The following CSMD1 variants were observed in gnomAD, a reference collection of about 807,000 sequenced individuals.
The protein encoded by CSMD1 is CUB and sushi domain-containing protein 1.
In CSMD1, 213 loss-of-function variants were observed where a neutral mutation model predicts 417.5. That is an observed-to-expected ratio of 0.51 (90% CI 0.46 to 0.57). The LOEUF is 0.57. Among genes scored for constraint, CSMD1 ranks in the 20% least tolerant of loss-of-function variants. The pLI is 0.00. For missense variants in CSMD1, 6,923 were observed against 4,529.7 expected (o/e 1.53, Z -15.17); for synonymous variants, 2,862 against 1,736.8 (o/e 1.65, Z -16.11).
chr8:3,985,714 A>C (rs1476676335), intron 5 of CSMD1, among the ~76,000 whole-genome samples: 1 of 151,890 alleles, frequency 6.6e-6, no homozygotes, highest in African/African-American at 2.4e-5. Context: ...AACTTGATTC[A>C]AGAAGTTAGA....
chr8:4,631,658 T>C (rs1802522619), intron 2 of CSMD1, among the ~76,000 whole-genome samples: 1 of 152,210 alleles, frequency 6.6e-6, no homozygotes, highest in South Asian at 2.1e-4. Flanking sequence ...AAATATTTAA[T>C]GCATTCAAAA....
chr8:4,132,777 A>G (rs1585386196), intron 3 of CSMD1, among the ~76,000 whole-genome samples: 1 of 152,224 alleles, frequency 6.6e-6, no homozygotes, highest in East Asian at 1.9e-4. Context: ...TCCGTTTAAA[A>G]AGACACAAAC....
At position 4,452,489 on chromosome 8, in the gene CSMD1, C is replaced by T. The variant is rs573760760; in HGVS notation, c.303-32424G>A. Among the ~76,000 whole-genome samples the T allele has an allele frequency of 7.9e-5, 12 of 152,248 alleles. No individual in the cohort carries two copies. In the East Asian group the frequency reaches 1.5e-3, roughly 20 times the overall value. ...CCACTCATATTTGAGCAAACCATGACCTGCTAACTACAGCTTTAATTTTAG... is the reference window on the plus strand; with the variant it reads ...CCACTCATATTTGAGCAAACCATGATCTGCTAACTACAGCTTTAATTTTAG... On this transcript the variant is annotated intron_variant, in intron 2 of 69. Coordinates refer to ENST00000635120, the MANE Select transcript of CSMD1 (RefSeq NM_033225.6).
At chr8:3,580,820 C>A (rs1275846586) in intron 9 of CSMD1, among the ~76,000 whole-genome samples, 1 of 152,094 alleles carries the variant, frequency 6.6e-6, no homozygotes, top group East Asian at 1.9e-4. Flanking sequence ...GGTAAATGAT[C>A]TTCTTATTAC....
chr8:3,760,520 C>A (rs993812994), intron 5 of CSMD1, among the ~76,000 whole-genome samples: 1 of 152,268 alleles, frequency 6.6e-6, no homozygotes, highest in African/African-American at 2.4e-5. Context: ...TTTCATGTAA[C>A]CTCCCTCAGC....
chr8:3,336,910 A>C (rs931161606), intron 23 of CSMD1, among the ~76,000 whole-genome samples: 1 of 152,094 alleles, frequency 6.6e-6, no homozygotes, highest in African/African-American at 2.4e-5. Flanking sequence ...TCTCCAAAAC[A>C]CAGGTCTTGT....
intron 10 of CSMD1, among the ~76,000 whole-genome samples, chr8:3,525,734 A>G (rs775892089): frequency 1.3e-5 from 2 of 152,172 alleles, no homozygotes; most frequent in Admixed American, 1.3e-4. Context: ...TAGTTGTCGC[A>G]ATGTACTTTC....
intron 1 of CSMD1, among the ~76,000 whole-genome samples, chr8:4,722,740 T>C (rs372465311): frequency 6.6e-6 from 1 of 152,170 alleles, no homozygotes; most frequent in Non-Finnish European, 1.5e-5. Flanking sequence ...AAAAATTTGG[T>C]AGTCGTCAGG....
chr8:4,030,001 G>A (rs1797259364), intron 4 of CSMD1, among the ~76,000 whole-genome samples: 1 of 152,166 alleles, frequency 6.6e-6, no homozygotes, highest in South Asian at 2.1e-4. Flanking sequence ...CTCACATCCA[G>A]GTCATGCTGA....
chr8:2,999,746 G>A (rs186166989), intron 53 of CSMD1, among the ~76,000 whole-genome samples: 1 of 150,002 alleles, frequency 6.7e-6, no homozygotes, highest in Non-Finnish European at 1.5e-5. Flanking sequence ...GTCAGGAAAA[G>A]GAGTTTGAAG....
At chr8:4,041,266 C>G (rs906763179) in intron 3 of CSMD1, among the ~76,000 whole-genome samples, 2 of 148,536 alleles carry the variant, frequency 1.3e-5, no homozygotes, top group East Asian at 4.0e-4. Context: ...ATCCGCCCGC[C>G]TCGGCCTCCC....
At chr8:3,294,179 CT>C (rs1462406437) in intron 25 of CSMD1, among the ~76,000 whole-genome samples, 1 of 152,146 alleles carries the variant, frequency 6.6e-6, no homozygotes, top group Non-Finnish European at 1.5e-5. Context: ...CTGATCATTC[CT>C]CTGGAAGTTT....
chr8:4,127,385 A>T (rs185805078), intron 3 of CSMD1, among the ~76,000 whole-genome samples: 1 of 151,560 alleles, frequency 6.6e-6, no homozygotes, highest in East Asian at 1.9e-4. Flanking sequence ...ACCTGAAAAA[A>T]AATCTCCAAT....
chr8:3,492,363 T>G (rs981740008), intron 11 of CSMD1, among the ~76,000 whole-genome samples: 2 of 152,140 alleles, frequency 1.3e-5, no homozygotes, highest in Non-Finnish European at 2.9e-5. Context: ...CCAGCTCATC[T>G]GGCACCACAG....
intron 7 of CSMD1, among the ~76,000 whole-genome samples, chr8:3,692,445 A>ATT (rs34507049): frequency 4.7e-5 from 7 of 147,520 alleles, no homozygotes; most frequent in African/African-American, 1.0e-4. Flanking sequence ...TTTAACAATA[A>ATT]TTTTTTTTTT....
intron 1 of CSMD1, among the ~76,000 whole-genome samples, chr8:4,920,871 G>T (rs1160519894): frequency 1.2e-4 from 1 of 8,618 alleles, no homozygotes; most frequent in Non-Finnish European, 3.1e-4. Flanking sequence ...GAAAAGAAAA[G>T]AAAAGAAAAG....
intron 39 of CSMD1, among the ~76,000 whole-genome samples, chr8:3,154,845 G>C (rs775737275): frequency 6.6e-6 from 1 of 152,044 alleles, no homozygotes; most frequent in East Asian, 1.9e-4. Context: ...GGATTTCCAG[G>C]AGCTCTTAAG....
At chr8:3,994,486 C>G (rs1035238382) in intron 5 of CSMD1, among the ~76,000 whole-genome samples, 1 of 149,516 alleles carries the variant, frequency 6.7e-6, no homozygotes, top group African/African-American at 2.5e-5. Context: ...GCTAGTCTCA[C>G]CACTACACAA....
intron 7 of CSMD1, among the ~76,000 whole-genome samples, chr8:3,664,917 A>C (rs1798605599): frequency 6.6e-6 from 1 of 152,148 alleles, no homozygotes; most frequent in South Asian, 2.1e-4. Context: ...ACAATTTCTC[A>C]GGGTTTCATT....
Sources: gnomAD v4.1 joint callset for allele counts (sites outside exome capture counted in the v4.1 genomes callset) on GRCh38, gnomAD v4.1.1 for gene constraint, MANE v1.5 for transcripts, NCBI Gene and HGNC (gene_info 2026-07-23, HGNC 2026-07-21) for gene names.